The following SNURF variants were observed in gnomAD, a reference collection of about 807,000 sequenced individuals.
SNURF encodes the protein SNRPN upstream open reading frame, also known as SNURF protein.
In SNURF, 6 loss-of-function variants were observed where a neutral mutation model predicts 11.6. The ratio of observed to expected loss-of-function variants is 0.52; its 90% confidence interval spans 0.28 to 1.02. SNURF has a LOEUF of 1.02. Among genes scored for constraint, SNURF ranks in the 50% least tolerant of loss-of-function variants. The pLI is 0.09. For missense variants in SNURF, 84 were observed against 88.4 expected, an observed-to-expected ratio of 0.95 and a Z score of 0.20; for synonymous variants, 29 against 31.6, an observed-to-expected ratio of 0.92 and a Z score of 0.27.
exon 3 of SNURF, chr15:24,968,375 A>C (rs2075958573): frequency 9.7e-6 from 2 of 207,236 alleles, no homozygotes; most frequent in Admixed American, 5.4e-5. Context: ...ATACCCTGTT[A>C]CTGAATGTTT....
chr15:24,960,804 G>A (rs2074661790), intron 1 of SNURF, among the ~76,000 whole-genome samples: 1 of 152,098 alleles, frequency 6.6e-6, no homozygotes, highest in Admixed American at 6.5e-5. Context: ...TTTGAGGTGT[G>A]AGTGACATAC....
chr15:24,975,964 ATTAT>A, intron 4 of SNURF, among the ~76,000 whole-genome samples: 1 of 152,214 alleles, frequency 6.6e-6, no homozygotes, highest in East Asian at 1.9e-4. Context: ...TTATGATTTA[ATTAT>A]TTAAGTAATT....
downstream of SNURF, chr15:24,978,070 A>G (rs2153719024): frequency 1.7e-6 from 2 of 1,211,944 alleles, no homozygotes; most frequent in Admixed American, 2.2e-5. Flanking sequence ...AGTAATTGTC[A>G]TATAGAAGTT....
In SNURF at chr15:24,977,847, G is replaced by T. The variant is rs772663663; in HGVS notation, c.*532G>T. 13 of 1,613,300 alleles carry T rather than the reference G, an allele frequency of 8.1e-6. No individual in the cohort carries two copies. In the East Asian group the frequency reaches 2.9e-4, roughly 36 times the overall value. ...TGCTGCGACTGCCAGTATTGCTGGA[G>T]CCCCAACACAGTACCCACCAGGACG... On this transcript the variant is annotated 3_prime_UTR_variant and NMD_transcript_variant, in exon 7 of 7. Transcript: ENST00000580062.
intron 1 of SNURF, among the ~76,000 whole-genome samples, chr15:24,958,252 C>CCTT (rs2063234673): frequency 6.6e-6 from 1 of 152,120 alleles, no homozygotes; most frequent in African/African-American, 2.4e-5. Context: ...AAGATAACCT[C>CCTT]CTTTGTTTAT....
rs536504417 is a variant in SNURF at position 24,961,157 on chromosome 15, T to G, written c.15-957T>G. Among the ~76,000 whole-genome samples the G allele has an allele frequency of 4.4e-3, 673 of 152,324 alleles. 2 individuals are homozygous for G. Among genetic ancestry groups the G allele is most frequent in the African/African-American group, 0.016 (652 of 41,576 alleles). On this transcript the variant is annotated intron_variant, in intron 1 of 2. Coordinates refer to ENST00000577949, the Ensembl canonical transcript of SNURF. The stretch of plus-strand genomic sequence containing the variant: ...TAATAGACCATTGTGTAATCAAAAG[T>G]AATAAACATTATCAGTGTATAAAAT...
At chr15:24,956,666 C>G (rs777793377) in intron 1 of SNURF, among the ~76,000 whole-genome samples, 14 of 152,216 alleles carry the variant, frequency 9.2e-5, no homozygotes, top group Non-Finnish European at 2.1e-4. Context: ...CTGGCTGATA[C>G]AGCAGCTGTT....
chr15:24,968,390 T>A lies in SNURF; in HGVS notation c.*353T>A, dbSNP rs73354192. The stretch of plus-strand genomic sequence containing the variant: ...ATACCCTGTTACTGAATGTTTATAA[T>A]TTCCTTTTGTGGGAGGTGTCATTTT... On this transcript the variant is annotated 3_prime_UTR_variant, in exon 3 of 3. Transcript: ENST00000577949. 383 of 189,706 alleles carry A rather than the reference T, an allele frequency of 2.0e-3. 2 individuals are homozygous for A. Among genetic ancestry groups the A allele is most frequent in the African/African-American group, 8.6e-3 (361 of 41,982 alleles). 11.8% of individuals were successfully genotyped at this position (189,706 alleles called of 1,614,324 possible). A position where few individuals can be genotyped will look rare whatever the true frequency, so the allele number is the denominator to read the frequency against.
chr15:24,963,245 T>C (rs915352739), intron 2 of SNURF, among the ~76,000 whole-genome samples: 20 of 152,216 alleles, frequency 1.3e-4, no homozygotes, highest in Non-Finnish European at 2.1e-4. Flanking sequence ...ATTATTATTG[T>C]AATCGTTAGC....
chr15:24,965,346 T>C (rs1253547534), intron 2 of SNURF, among the ~76,000 whole-genome samples: 1 of 152,084 alleles, frequency 6.6e-6, no homozygotes, highest in East Asian at 1.9e-4. Flanking sequence ...AAGACCAGCC[T>C]GGCCAACATG....
At chr15:24,964,210 T>A (rs955031111) in intron 2 of SNURF, among the ~76,000 whole-genome samples, 1 of 152,232 alleles carries the variant, frequency 6.6e-6, no homozygotes, top group East Asian at 1.9e-4. Context: ...ACGTTTTGTT[T>A]GTATATTGGT....
At chr15:24,960,365 G>GGTCT (rs1359550716) in intron 1 of SNURF, among the ~76,000 whole-genome samples, 1 of 151,938 alleles carries the variant, frequency 6.6e-6, no homozygotes, top group African/African-American at 2.4e-5. Context: ...TTTGAGGCAG[G>GGTCT]GTCTGGCTCT....
chr15:24,967,641 T>TAAAA (rs35079024), intron 2 of SNURF, among the ~76,000 whole-genome samples: 1 of 133,922 alleles, frequency 7.5e-6, no homozygotes, highest in Non-Finnish European at 1.6e-5. Flanking sequence ...GACTCTGTCT[T>TAAAA]AAAAAAAAAA....
At chr15:24,973,148 CAA>C (rs1264622693), downstream of SNURF, among the ~76,000 whole-genome samples, 7 of 152,020 alleles carry the variant, frequency 4.6e-5, no homozygotes, top group Non-Finnish European at 5.9e-5. Context: ...CTCGGTTTCC[CAA>C]AGTGTTGGGA....
chr15:24,969,871 T>C (rs1337308160), downstream of SNURF, among the ~76,000 whole-genome samples: 1 of 152,230 alleles, frequency 6.6e-6, no homozygotes, highest in East Asian at 1.9e-4. Context: ...CTCAGTTCAT[T>C]TATTATGTTA....
At chr15:24,972,438 TG>T (rs1256974594), downstream of SNURF, among the ~76,000 whole-genome samples, 1 of 152,120 alleles carries the variant, frequency 6.6e-6, no homozygotes, top group African/African-American at 2.4e-5. Context: ...TTTGCTTATT[TG>T]AAAAGTTCTT....
At chr15:24,975,385 C>T in exon 4 of SNURF, 1 of 1,613,650 alleles carries the variant, frequency 6.2e-7, no homozygotes, top group East Asian at 2.2e-5. Flanking sequence ...CAAGATGCTG[C>T]AGCACATTGA....
downstream of SNURF, chr15:24,978,339 TTGA>T: frequency 1.9e-6 from 3 of 1,614,120 alleles, no homozygotes; most frequent in Non-Finnish European, 2.5e-6. Flanking sequence ...GCATAGGGGT[TTGA>T]TGGTTCAGCC....
At chr15:24,955,973 T>G (rs1330942134) in intron 1 of SNURF, among the ~76,000 whole-genome samples, 10 of 151,942 alleles carry the variant, frequency 6.6e-5, no homozygotes, top group Non-Finnish European at 1.5e-4. Flanking sequence ...CAGCCTTTAA[T>G]TTTCCTGTGA....
Sources: gnomAD v4.1 joint callset for allele counts (sites outside exome capture counted in the v4.1 genomes callset) on GRCh38, gnomAD v4.1.1 for gene constraint, MANE v1.5 for transcripts, NCBI Gene and HGNC (gene_info 2026-07-23, HGNC 2026-07-21) for gene names.